Variants in EYS observed in about 807,000 individuals in gnomAD.
The protein encoded by EYS is protein eyes shut homolog.
A neutral mutation model predicts 282.1 loss-of-function variants in EYS; 250 were observed. The observed-to-expected ratio is 0.89, with a 90% CI of 0.80 to 0.98. EYS has a LOEUF of 0.98. Ranked by LOEUF, EYS falls within the 50% of genes least tolerant of loss-of-function variation. The probability of loss-of-function intolerance (pLI) is 0.00; values close to 1 mark genes in which losing one functional copy is unlikely to be tolerated. For synonymous variants in EYS, 1,355 were observed against 1,282.9 expected (o/e 1.06, Z -1.20); for missense variants, 4,016 against 3,709.0 (o/e 1.08, Z -2.15).
intron 12 of EYS, among the ~76,000 whole-genome samples, chr6:65,132,496 C>A (rs1480006503): frequency 6.6e-6 from 1 of 151,812 alleles, no homozygotes; most frequent in Admixed American, 6.6e-5. Context: ...AAAAGGCTTT[C>A]AATAAAATTC....
At chr6:64,468,805 T>A (rs190311365) in intron 26 of EYS, among the ~76,000 whole-genome samples, 8 of 152,316 alleles carry the variant, frequency 5.3e-5, no homozygotes, top group African/African-American at 1.9e-4. Flanking sequence ...GGCTTCCAAT[T>A]TCATCTTTGT....
chr6:65,322,428 G>T (rs1251670823), intron 11 of EYS, among the ~76,000 whole-genome samples: 4 of 152,162 alleles, frequency 2.6e-5, no homozygotes, highest in Non-Finnish European at 5.9e-5. Flanking sequence ...CCTGATCTCA[G>T]TCAGACCTCA....
At chr6:64,069,924 T>C (rs1437670766) in intron 32 of EYS, among the ~76,000 whole-genome samples, 1 of 152,108 alleles carries the variant, frequency 6.6e-6, no homozygotes, top group Non-Finnish European at 1.5e-5. Flanking sequence ...TTTTTTCAAA[T>C]AAGAAACAGC....
At chr6:65,035,038 G>T (rs1162222138) in intron 13 of EYS, among the ~76,000 whole-genome samples, 1 of 151,934 alleles carries the variant, frequency 6.6e-6, no homozygotes, top group Non-Finnish European at 1.5e-5. Flanking sequence ...CATATTCCTG[G>T]GATGCATGGT....
intron 31 of EYS, among the ~76,000 whole-genome samples, chr6:64,173,053 G>A (rs1764530026): frequency 6.6e-6 from 1 of 152,048 alleles, no homozygotes; most frequent in Non-Finnish European, 1.5e-5. Flanking sequence ...TGAGCAGCAG[G>A]GACTGAGAGT....
At chr6:65,393,725 A>G (rs1254123804) in intron 7 of EYS, among the ~76,000 whole-genome samples, 1 of 152,082 alleles carries the variant, frequency 6.6e-6, no homozygotes, top group Non-Finnish European at 1.5e-5. Context: ...ATCACAAGCC[A>G]AATAAAATAA....
chr6:64,838,699 T>C (rs1168608603), intron 19 of EYS, among the ~76,000 whole-genome samples: 2 of 151,820 alleles, frequency 1.3e-5, no homozygotes, highest in Non-Finnish European at 2.9e-5. Context: ...TTACTGCTTA[T>C]GTGATTTTAT....
intron 36 of EYS, among the ~76,000 whole-genome samples, chr6:63,839,364 TTATC>T (rs2149696393): frequency 6.6e-6 from 1 of 152,344 alleles, no homozygotes; most frequent in East Asian, 1.9e-4. Flanking sequence ...TTATCCAAGT[TTATC>T]TATGTTGCTG....
At chr6:64,550,818 CAG>C (rs980918624) in intron 26 of EYS, among the ~76,000 whole-genome samples, 27 of 152,108 alleles carry the variant, frequency 1.8e-4, no homozygotes, top group Middle Eastern at 3.4e-3. Context: ...ACACCAATAA[CAG>C]ACAAACAGAG....
At chr6:63,724,065 C>T (rs1443381224) in intron 42 of EYS, among the ~76,000 whole-genome samples, 6 of 152,078 alleles carry the variant, frequency 3.9e-5, no homozygotes. Context: ...CCTCGGCCTC[C>T]CAAAGTGGTG....
At chr6:65,045,740 CT>C (rs2150151659) in intron 13 of EYS, among the ~76,000 whole-genome samples, 1 of 151,880 alleles carries the variant, frequency 6.6e-6, no homozygotes, top group African/African-American at 2.4e-5. Context: ...AAGATATGGA[CT>C]CTGAAATATT....
intron 35 of EYS, among the ~76,000 whole-genome samples, chr6:63,952,861 G>A (rs1015627993): frequency 1.3e-5 from 2 of 151,950 alleles, no homozygotes; most frequent in Admixed American, 1.3e-4. Context: ...CTTGCTCAAC[G>A]CCAATATCCC....
chr6:64,660,690 G>A (rs1458108975), intron 22 of EYS, among the ~76,000 whole-genome samples: 1 of 152,076 alleles, frequency 6.6e-6, no homozygotes, highest in Non-Finnish European at 1.5e-5. Flanking sequence ...GGGATGTGAA[G>A]GACCTCTTCA....
At chr6:64,793,093 G>A (rs1252882402) in intron 22 of EYS, among the ~76,000 whole-genome samples, 1 of 151,990 alleles carries the variant, frequency 6.6e-6, no homozygotes, top group African/African-American at 2.4e-5. Context: ...ACTTGTCACT[G>A]TATGACTTTA....
chr6:64,224,382 T>C (rs563658073), intron 31 of EYS, among the ~76,000 whole-genome samples: 2 of 152,198 alleles, frequency 1.3e-5, no homozygotes, highest in East Asian at 3.9e-4. Context: ...CTGGTCATTA[T>C]GTCTTTTGAT....
At chr6:65,429,349 G>A (rs1472064986) in intron 5 of EYS, among the ~76,000 whole-genome samples, 3 of 152,050 alleles carry the variant, frequency 2.0e-5, no homozygotes, top group African/African-American at 7.2e-5. Context: ...CAGCCTCTGG[G>A]ATTCTTCCAC....
At chr6:64,305,676 C>A (rs1160449012) in intron 30 of EYS, among the ~76,000 whole-genome samples, 1 of 152,100 alleles carries the variant, frequency 6.6e-6, no homozygotes, top group Non-Finnish European at 1.5e-5. Flanking sequence ...AACTGGATAT[C>A]CACATACAAC....
intron 22 of EYS, among the ~76,000 whole-genome samples, chr6:64,669,440 G>C (rs533202452): frequency 3.9e-5 from 6 of 152,296 alleles, no homozygotes; most frequent in Non-Finnish European, 8.8e-5. Context: ...ATTTGGGCTT[G>C]TGTAAGAGTT....
At chr6:64,902,378 CT>C in intron 17 of EYS, 25 bp downstream of exon 17, 9 of 1,455,124 alleles carry the variant, frequency 6.2e-6, no homozygotes, top group Non-Finnish European at 8.4e-6. Context: ...AAACATGTAT[CT>C]AGATACTTTT....
Sources: allele counts gnomAD v4.1 joint callset (sites outside exome capture counted in the v4.1 genomes callset), GRCh38; gene constraint gnomAD v4.1.1; transcripts MANE v1.5; gene names NCBI Gene and HGNC (gene_info 2026-07-23, HGNC 2026-07-21).